The following SORBS2 variants were observed in gnomAD, a reference collection of about 807,000 sequenced individuals.
The protein encoded by SORBS2 is sorbin and SH3 domain-containing protein 2.
A neutral mutation model predicts 97.7 loss-of-function variants in SORBS2; 46 were observed. The observed-to-expected ratio is 0.47, with a 90% CI of 0.37 to 0.60. SORBS2 has a LOEUF of 0.60. Among genes scored for constraint, SORBS2 ranks in the 20% least tolerant of loss-of-function variants. The pLI is 0.00. For missense variants in SORBS2, 1,316 were observed against 1,282.3 expected (o/e 1.03, Z -0.40); for synonymous variants, 476 against 473.4 (o/e 1.01, Z -0.07).
At chr4:185,780,839 A>C (rs11729517) in intron 1 of SORBS2, among the ~76,000 whole-genome samples, 77,005 of 152,126 alleles carry the variant, frequency 0.51, 21,349 homozygotes, top group Non-Finnish European at 0.64. Context: ...AGGTTAAAGG[A>C]CCAGTATCAT....
intron 2 of SORBS2, 54 bp from the exon 4 acceptor site, chr4:185,690,665 A>G (rs79427853): frequency 0.23 from 167,423 of 731,148 alleles, 20,831 homozygotes; most frequent in South Asian, 0.33. Context: ...AGAAAATATC[A>G]TGAAAGTGTG....
chr4:185,669,758 AAG>A lies in SORBS2; in HGVS notation c.-45-7518_-45-7517del, dbSNP rs2097680358. ...ACCAGCGCATGCCAAGCCATAGGAA[AAG>A]AGAGTCTGGGTCTGGCGTTTTTAAT... On this transcript the variant is annotated intron_variant, in intron 4 of 20. Transcript: ENST00000284776. 2.6e-5 allele frequency among the ~76,000 whole-genome samples: 4 copies of A among 152,326 alleles called. No individual in the cohort carries two copies. The South Asian group carries it at 8.3e-4, about 32-fold the overall frequency.
intron 2 of SORBS2, among the ~76,000 whole-genome samples, chr4:185,737,913 G>A (rs1030814636): frequency 3.3e-5 from 5 of 152,308 alleles, no homozygotes; most frequent in African/African-American, 9.6e-5. Context: ...GGGAGGAGGC[G>A]GAGGGGCACA....
chr4:185,652,910 G>A lies in SORBS2; in HGVS notation c.25-182C>T, dbSNP rs1418096007. 2.0e-5 allele frequency among the ~76,000 whole-genome samples: 3 copies of A among 152,184 alleles called. 1 individual carries two copies. Among genetic ancestry groups the A allele is most frequent in the Admixed American group, 1.3e-4 (2 of 15,290 alleles). On this transcript the variant is annotated intron_variant, in intron 1 of 14. Transcript: ENST00000418609. ...ATTTACTTAGTTATGTGTGCAGTTT[G>A]TAAACATATGGCCTTGTGTTTGAAT...
chr4:185,765,045 T>C (rs28386838), intron 2 of SORBS2, among the ~76,000 whole-genome samples: 28,285 of 152,124 alleles, frequency 0.19, 2,820 homozygotes, highest in Middle Eastern at 0.27. Flanking sequence ...CATCAGTTTT[T>C]TTTTCTGCAC....
At chr4:185,911,480 C>T (rs112484314) in intron 1 of SORBS2, among the ~76,000 whole-genome samples, 4,340 of 152,196 alleles carry the variant, frequency 0.029, 155 homozygotes, top group South Asian at 0.11. Context: ...CCACCCCAGC[C>T]TCTCAAAGTC....
At chr4:185,938,389 T>TACACATACACAC (rs1554055087) in intron 1 of SORBS2, among the ~76,000 whole-genome samples, 2 of 136,440 alleles carry the variant, frequency 1.5e-5, no homozygotes. Flanking sequence ...TGTAGACACA[T>TACACATACACAC]ACACACACAC....
chr4:185,724,214 T>A (rs550281779), intron 2 of SORBS2, among the ~76,000 whole-genome samples: 43 of 152,286 alleles, frequency 2.8e-4, no homozygotes, highest in African/African-American at 1.0e-3. Flanking sequence ...TGGCTTTTTT[T>A]TGATGATGTT....
intron 1 of SORBS2, among the ~76,000 whole-genome samples, chr4:185,654,478 T>A (rs1480190738): frequency 6.6e-6 from 1 of 151,672 alleles, no homozygotes; most frequent in African/African-American, 2.4e-5. Flanking sequence ...GACAGACAGG[T>A]TTTTTTTTCT....
At chr4:185,615,081 G>A (rs373495088) in exon 10 of SORBS2, 123 of 1,613,730 alleles carry the variant, frequency 7.6e-5, no homozygotes, top group Non-Finnish European at 9.6e-5. Flanking sequence ...CCACTCTCCC[G>A]TGGTGTTCTC....
At chr4:185,601,760 ATAT>A (rs1402675391) in intron 12 of SORBS2, among the ~76,000 whole-genome samples, 2 of 151,954 alleles carry the variant, frequency 1.3e-5, no homozygotes, top group Non-Finnish European at 2.9e-5. Context: ...GCACGTGAAC[ATAT>A]TAGGAAAAAT....
At chr4:185,816,862 C>T (rs7673778) in intron 1 of SORBS2, among the ~76,000 whole-genome samples, 88,391 of 152,032 alleles carry the variant, frequency 0.58, 25,951 homozygotes, top group East Asian at 0.74. Context: ...AATAAAAAAC[C>T]GTTCAACAAA....
chr4:185,923,922 A>G (rs946263075), intron 1 of SORBS2, among the ~76,000 whole-genome samples: 1 of 152,250 alleles, frequency 6.6e-6, no homozygotes, highest in African/African-American at 2.4e-5. Flanking sequence ...CAAGACAAGA[A>G]TTGTTAAAAG....
intron 1 of SORBS2, among the ~76,000 whole-genome samples, chr4:185,780,623 G>C (rs1202614824): frequency 1.3e-5 from 2 of 152,142 alleles, no homozygotes; most frequent in East Asian, 1.9e-4. Flanking sequence ...CTTTCTCTTG[G>C]GCTTATCTGG....
rs112229622 is a variant in SORBS2 at position 185,623,753 on chromosome 4, A to G, written c.1376T>C (p.Leu459Pro). Residue 459 changes from leucine to proline, a missense_variant, in exon 7 of 15, where the codon CTG becomes CCG. By Grantham distance (98) the Leu-to-Pro change is moderately conservative. Transcript: ENST00000418609. This position sits in a 1 kb window ranked among gnomAD's most constrained non-coding sequence, Gnocchi z 6.4. ...GGGGCCGCTTTGATTTTCTTCCTCC[A>G]GCAAATACTCAATGGAAAACCGCCT... 1 of 1,614,014 alleles carries G rather than the reference A, an allele frequency of 6.2e-7. No homozygotes were observed. Among genetic ancestry groups the G allele is most frequent in the Admixed American group, 1.7e-5 (1 of 60,012 alleles).
chr4:185,688,491 T>TTGA (rs201303542), intron 2 of SORBS2, among the ~76,000 whole-genome samples: 307 of 141,360 alleles, frequency 2.2e-3, no homozygotes, highest in African/African-American at 8.1e-3. Flanking sequence ...TATCTGTCTA[T>TTGA]TGATAGATAG....
intron 1 of SORBS2, among the ~76,000 whole-genome samples, chr4:185,890,781 C>T (rs1162088288): frequency 2.6e-5 from 4 of 152,338 alleles, no homozygotes; most frequent in Non-Finnish European, 5.9e-5. Flanking sequence ...AACATCCTAG[C>T]ACATGGGCCT....
upstream of SORBS2, chr4:185,657,586 G>A (rs1203704224): frequency 6.3e-7 from 1 of 1,589,264 alleles, no homozygotes; most frequent in Non-Finnish European, 8.5e-7. Flanking sequence ...GGGGATATGT[G>A]TCTGTGGAAT....
At chr4:185,895,213 G>A (rs1579360996) in intron 1 of SORBS2, among the ~76,000 whole-genome samples, 1 of 152,362 alleles carries the variant, frequency 6.6e-6, no homozygotes, top group East Asian at 1.9e-4. Context: ...TGATGCCACT[G>A]AAGCAACAGC....
Sources: gnomAD v4.1 joint callset for allele counts (sites outside exome capture counted in the v4.1 genomes callset) on GRCh38, gnomAD v4.1.1 for gene constraint, Gnocchi (gnomAD v3.1) non-coding constraint, MANE v1.5 for transcripts, NCBI Gene and HGNC (gene_info 2026-07-23, HGNC 2026-07-21) for gene names.